Variants in MFHAS1 observed in about 807,000 individuals in gnomAD.
The protein encoded by MFHAS1 is malignant fibrous histiocytoma-amplified sequence 1.
MFHAS1 carries 50 observed loss-of-function variants against 70.4 expected under a neutral mutation model. That is an observed-to-expected ratio of 0.71 (90% CI 0.57 to 0.90). MFHAS1 has a LOEUF of 0.90. Ranked by LOEUF, MFHAS1 falls within the 40% of genes least tolerant of loss-of-function variation. MFHAS1 has a pLI of 0.00. For synonymous variants in MFHAS1, 952 were observed against 620.0 expected (o/e 1.54, Z -7.96); for missense variants, 1,795 against 1,347.6 (o/e 1.33, Z -5.20).
chr8:8,827,749 G>C (rs1029906315), intron 1 of MFHAS1, among the ~76,000 whole-genome samples: 1 of 152,124 alleles, frequency 6.6e-6, no homozygotes, highest in African/African-American at 2.4e-5. Context: ...AGGAAAGTTA[G>C]CCTTTTTCTT....
intron 2 of MFHAS1, among the ~76,000 whole-genome samples, chr8:8,791,728 C>T (rs1183300720): frequency 1.3e-5 from 2 of 152,128 alleles, no homozygotes; most frequent in East Asian, 1.9e-4. Context: ...TATAGGTTTG[C>T]CCTATCTTTT....
intron 1 of MFHAS1, among the ~76,000 whole-genome samples, chr8:8,813,194 T>A (rs1016546721): frequency 1.3e-5 from 2 of 152,256 alleles, no homozygotes; most frequent in Non-Finnish European, 2.9e-5. Context: ...TTCTTATGTT[T>A]GCAGTGATGC....
intron 1 of MFHAS1, among the ~76,000 whole-genome samples, chr8:8,857,799 G>A (rs148385985): frequency 4.6e-5 from 7 of 152,130 alleles, no homozygotes; most frequent in African/African-American, 1.2e-4. Flanking sequence ...TGTAAACTCA[G>A]TAGATATATA....
At chr8:8,794,963 T>C (rs1255757586) in intron 2 of MFHAS1, among the ~76,000 whole-genome samples, 2 of 152,150 alleles carry the variant, frequency 1.3e-5, no homozygotes, top group African/African-American at 2.4e-5. Context: ...AAGAAGCCCA[T>C]GGGAAAACAC....
At chr8:8,789,928 C>T (rs1364328223) in intron 2 of MFHAS1, among the ~76,000 whole-genome samples, 1 of 152,090 alleles carries the variant, frequency 6.6e-6, no homozygotes, top group African/African-American at 2.4e-5. Context: ...CCCGGCCTTG[C>T]CCGTTCCTCC....
intron 1 of MFHAS1, among the ~76,000 whole-genome samples, 170 bp from the exon 2 acceptor site, chr8:8,797,661 C>T (rs183025599): frequency 9.1e-4 from 138 of 152,294 alleles, no homozygotes; most frequent in Non-Finnish European, 1.5e-3. Flanking sequence ...GCCTGGGCGC[C>T]GGCTCCAGCG....
chr8:8,809,802 C>T (rs2117280395), intron 1 of MFHAS1, among the ~76,000 whole-genome samples: 1 of 152,304 alleles, frequency 6.6e-6, no homozygotes, highest in African/African-American at 2.4e-5. Flanking sequence ...GCCCACAGTG[C>T]TGCACTGAAG....
intron 1 of MFHAS1, among the ~76,000 whole-genome samples, chr8:8,852,899 C>A (rs1808299686): frequency 6.6e-6 from 1 of 152,178 alleles, no homozygotes; most frequent in Non-Finnish European, 1.5e-5. Flanking sequence ...TGAGCCCTCA[C>A]TTCTACATAC....
chr8:8,832,630 T>TTC (rs1554481511), intron 1 of MFHAS1, among the ~76,000 whole-genome samples: 10 of 145,442 alleles, frequency 6.9e-5, no homozygotes, highest in East Asian at 2.0e-4. Flanking sequence ...TTTTTTTCTT[T>TTC]TTTTTTTTTT....
intron 1 of MFHAS1, among the ~76,000 whole-genome samples, chr8:8,840,274 T>C (rs553280070): frequency 1.3e-5 from 2 of 152,178 alleles, no homozygotes; most frequent in African/African-American, 4.8e-5. Context: ...CTGGCCAACA[T>C]GGCAAAACCC....
At position 8,846,559 on chromosome 8, in the gene MFHAS1, G is replaced by C. The variant is rs978139525; in HGVS notation, c.2998+43502C>G. ...TCATTTAAAATGTTCTCAGCTCAAA[G>C]TTCCCAAGCCTCACAGAATCTCCCC... On this transcript the variant is annotated intron_variant, in intron 1 of 2. Transcript: ENST00000276282. Among the ~76,000 whole-genome samples, 29 of 152,092 alleles carry C rather than the reference G, an allele frequency of 1.9e-4. 1 individual carries two copies. Among genetic ancestry groups the C allele is most frequent in the Middle Eastern group, 3.4e-3 (1 of 292 alleles).
intron 1 of MFHAS1, among the ~76,000 whole-genome samples, chr8:8,878,476 C>G (rs1041881224): frequency 6.6e-5 from 10 of 152,186 alleles, no homozygotes; most frequent in East Asian, 1.9e-4. Context: ...ATTGTCACCT[C>G]TTCTATTTTT....
chr8:8,880,704 A>G (rs1285298977), intron 1 of MFHAS1, among the ~76,000 whole-genome samples: 1 of 144,702 alleles, frequency 6.9e-6, no homozygotes, highest in East Asian at 2.0e-4. Context: ...TTTTTCCCCC[A>G]GATGGAGTCT....
At chr8:8,887,215 T>A (rs1226425802) in intron 1 of MFHAS1, among the ~76,000 whole-genome samples, 1 of 152,184 alleles carries the variant, frequency 6.6e-6, no homozygotes, top group Non-Finnish European at 1.5e-5. Flanking sequence ...TATATTTTAA[T>A]AATCTAGGGA....
At chr8:8,790,065 A>G (rs1217904052) in intron 2 of MFHAS1, among the ~76,000 whole-genome samples, 9 of 152,204 alleles carry the variant, frequency 5.9e-5, no homozygotes, top group Non-Finnish European at 8.8e-5. Flanking sequence ...ACATTTTTCA[A>G]AAATGACTTC....
At chr8:8,876,642 G>A (rs1445865635) in intron 1 of MFHAS1, among the ~76,000 whole-genome samples, 2 of 151,936 alleles carry the variant, frequency 1.3e-5, no homozygotes, top group African/African-American at 4.8e-5. Context: ...CTCCCAAAGT[G>A]CTGGGATTAC....
At chr8:8,869,188 A>G (rs1460131595) in intron 1 of MFHAS1, among the ~76,000 whole-genome samples, 1 of 152,184 alleles carries the variant, frequency 6.6e-6, no homozygotes, top group Non-Finnish European at 1.5e-5. Context: ...CCCAAAGTTG[A>G]TAATGAAAAA....
chr8:8,786,224 A>T (rs913894652), intron 2 of MFHAS1, among the ~76,000 whole-genome samples, 169 bp from the exon 3 acceptor site: 19 of 152,194 alleles, frequency 1.2e-4, no homozygotes, highest in African/African-American at 4.3e-4. Flanking sequence ...TTATGTCCCC[A>T]CAAAGGAAAG....
chr8:8,864,045 T>C (rs1038043452), intron 1 of MFHAS1, among the ~76,000 whole-genome samples: 1 of 152,198 alleles, frequency 6.6e-6, no homozygotes, highest in Non-Finnish European at 1.5e-5. Context: ...TGTAGTTACA[T>C]TGCCTTCCCA....
Sources: allele counts gnomAD v4.1 joint callset (sites outside exome capture counted in the v4.1 genomes callset), GRCh38; gene constraint gnomAD v4.1.1; transcripts MANE v1.5; gene names NCBI Gene and HGNC (gene_info 2026-07-23, HGNC 2026-07-21).